SLC30A8: variants seen among roughly 807,000 people sequenced by gnomAD.
SLC30A8 encodes the protein solute carrier family 30 member 8.
A neutral mutation model predicts 36.9 loss-of-function variants in SLC30A8; 27 were observed. That is an observed-to-expected ratio of 0.73 (90% CI 0.54 to 1.01). The LOEUF (loss-of-function observed/expected upper bound fraction) is 1.01, where lower values mean the gene tolerates loss of function less well. Ranked by LOEUF, SLC30A8 falls within the 50% of genes least tolerant of loss-of-function variation. SLC30A8 has a pLI of 0.00. For synonymous variants in SLC30A8, 164 were observed against 172.4 expected, an observed-to-expected ratio of 0.95 and a Z score of 0.38; for missense variants, 439 against 452.0, an observed-to-expected ratio of 0.97 and a Z score of 0.26.
At chr8:117,118,762 T>C (rs1820560394) in intron 2 of SLC30A8, among the ~76,000 whole-genome samples, 1 of 151,968 alleles carries the variant, frequency 6.6e-6, no homozygotes. Flanking sequence ...TTGAAAGATA[T>C]CATTATTATC....
rs1326082811 is a variant in SLC30A8, at chr8:117,173,997, G to A, written c.*1316G>A. 2 of 152,100 alleles carry A rather than the reference G, an allele frequency of 1.3e-5. No individual in the cohort carries two copies. The highest frequency in any genetic ancestry group is 4.8e-5 in the African/African-American group (2 of 41,436). 9.4% of individuals were successfully genotyped at this position (152,100 alleles called of 1,614,324 possible). The stretch of plus-strand genomic sequence containing the variant: ...CTCTCCAGGAAGACGAAGAAGAGAA[G>A]GACATTCTAGGCAAAAAGAAGACTA... On this transcript the variant is annotated 3_prime_UTR_variant, in exon 8 of 8. Transcript: ENST00000456015.
rs1818562982 is a variant in SLC30A8, at chr8:117,078,539, G to A, written c.-226+39281G>A. 4.0e-5 allele frequency among the ~76,000 whole-genome samples: 6 copies of A among 151,890 alleles called. No homozygotes were observed. The South Asian group carries it at 1.2e-3, about 32-fold the overall frequency. On this transcript the variant is annotated intron_variant, in intron 2 of 10. Coordinates refer to the SLC30A8 transcript ENST00000427715. ...GCTACTTTCTAGATTTTAAAACCAT[G>A]ACATTCCTCTCTTACACTCAGTTCC...
intron 1 of SLC30A8, among the ~76,000 whole-genome samples, chr8:117,143,828 CA>C (rs898434306): frequency 1.3e-5 from 2 of 152,202 alleles, no homozygotes; most frequent in African/African-American, 4.8e-5. Context: ...GAACCCAAGA[CA>C]GGGAAGCAGT....
intron 2 of SLC30A8, among the ~76,000 whole-genome samples, chr8:117,070,290 C>T (rs574286904): frequency 8.5e-5 from 13 of 152,230 alleles, no homozygotes; most frequent in African/African-American, 2.9e-4. Context: ...CTGCATTCAG[C>T]GGGAGGGTGG....
At chr8:117,002,773 T>G (rs1387657178) in intron 1 of SLC30A8, among the ~76,000 whole-genome samples, 1 of 152,040 alleles carries the variant, frequency 6.6e-6, no homozygotes, top group East Asian at 1.9e-4. Context: ...CCCAGCTAAT[T>G]TTTGGATTTT....
At chr8:116,994,356 T>C (rs947886382) in intron 1 of SLC30A8, among the ~76,000 whole-genome samples, 1 of 152,108 alleles carries the variant, frequency 6.6e-6, no homozygotes. Context: ...AATGCACAAG[T>C]GTTCATAGTA....
chr8:117,114,443 T>C (rs996001137), intron 2 of SLC30A8, among the ~76,000 whole-genome samples: 1 of 151,938 alleles, frequency 6.6e-6, no homozygotes. Flanking sequence ...GAGCAGAAAA[T>C]CAATCTGGAG....
rs776434484 is a variant in SLC30A8, at chr8:117,171,040, C to CAAAG, written c.838_841dup (p.Ser281LysfsTer57). On this transcript the variant is annotated frameshift_variant, in exon 7 of 8. Transcript: ENST00000456015. LOFTEE classifies it high-confidence loss of function. ...ATCTCTTCCCTTTTGTCAGGTGTGC[C>CAAAG]AAAGAGCCTGAATTACAGTGGTGTG... 2 of 1,593,636 alleles carry CAAAG rather than the reference C, an allele frequency of 1.3e-6. No homozygotes were observed. Among genetic ancestry groups the CAAAG allele is most frequent in the African/African-American group, 1.3e-5 (1 of 74,204 alleles).
chr8:116,992,601 G>T (rs1280593987), intron 1 of SLC30A8, among the ~76,000 whole-genome samples: 4 of 152,124 alleles, frequency 2.6e-5, no homozygotes, highest in Non-Finnish European at 5.9e-5. Flanking sequence ...GCAGTCCCAA[G>T]TAGGTCCAGC....
chr8:117,018,666 C>CG (rs1176268089), intron 1 of SLC30A8, among the ~76,000 whole-genome samples: 9 of 115,856 alleles, frequency 7.8e-5, no homozygotes, highest in African/African-American at 3.0e-4. Flanking sequence ...CTGACTAGCC[C>CG]CCCCCCCCCT....
intron 2 of SLC30A8, among the ~76,000 whole-genome samples, chr8:117,049,790 G>A (rs1563568558): frequency 6.6e-6 from 1 of 152,276 alleles, no homozygotes; most frequent in East Asian, 1.9e-4. Flanking sequence ...CTGATATATA[G>A]CTGCTCACGA....
At position 117,174,818 on chromosome 8, in the gene SLC30A8, A is replaced by T. The variant is rs1425939568; in HGVS notation, c.*2137A>T. Reference sequence around the variant, plus strand: ...CCAGGGTATTTCTGTTGTTTCCCTGAAATTCTGCTTTTTTAGTCAGCTAGA... The same window carrying T: ...CCAGGGTATTTCTGTTGTTTCCCTGTAATTCTGCTTTTTTAGTCAGCTAGA... On this transcript the variant is annotated 3_prime_UTR_variant, in exon 8 of 8. Coordinates refer to ENST00000456015, the MANE Select transcript of SLC30A8 (RefSeq NM_173851.3). The T allele has an allele frequency of 1.3e-5, 2 of 152,544 alleles. No homozygotes were observed. The highest frequency in any genetic ancestry group is 4.8e-5 in the African/African-American group (2 of 41,438). The allele number at this position is 152,544 out of a possible 1,614,324, so 9.4% of individuals were successfully genotyped here.
At chr8:116,967,757 G>C (rs1209530656) in intron 1 of SLC30A8, among the ~76,000 whole-genome samples, 1 of 152,114 alleles carries the variant, frequency 6.6e-6, no homozygotes, top group African/African-American at 2.4e-5. Flanking sequence ...TGATTTTTTA[G>C]ATTAATACAT....
At chr8:117,155,072 T>C (rs1292683492) in intron 3 of SLC30A8, among the ~76,000 whole-genome samples, 2 of 152,160 alleles carry the variant, frequency 1.3e-5, no homozygotes, top group African/African-American at 4.8e-5. Context: ...AACACATTCA[T>C]ACGCAACACA....
At chr8:117,020,940 G>A (rs1816678087) in intron 1 of SLC30A8, among the ~76,000 whole-genome samples, 1 of 152,144 alleles carries the variant, frequency 6.6e-6, no homozygotes, top group Admixed American at 6.5e-5. Flanking sequence ...GTATTCGTCG[G>A]AATGGAAAAG....
At chr8:116,965,026 T>C (rs887377432) in intron 1 of SLC30A8, among the ~76,000 whole-genome samples, 9 of 152,186 alleles carry the variant, frequency 5.9e-5, no homozygotes, top group African/African-American at 2.2e-4. Flanking sequence ...AACCTCTGCC[T>C]CCCAGGTTCA....
intron 2 of SLC30A8, among the ~76,000 whole-genome samples, chr8:117,041,312 T>C (rs1817380120): frequency 6.6e-6 from 1 of 152,204 alleles, no homozygotes; most frequent in African/African-American, 2.4e-5. Flanking sequence ...AAGGAATTCC[T>C]AAACACTTTC....
At chr8:117,057,517 A>G (rs1188387122) in intron 2 of SLC30A8, among the ~76,000 whole-genome samples, 1 of 152,054 alleles carries the variant, frequency 6.6e-6, no homozygotes, top group African/African-American at 2.4e-5. Context: ...CCTTTGATCA[A>G]CATTTCCTCC....
At chr8:117,108,842 G>A (rs1820107480) in intron 2 of SLC30A8, among the ~76,000 whole-genome samples, 1 of 152,174 alleles carries the variant, frequency 6.6e-6, no homozygotes, top group South Asian at 2.1e-4. Context: ...TTGTTATCGA[G>A]GTCCTAACTG....
Sources: gnomAD v4.1 joint callset for allele counts (sites outside exome capture counted in the v4.1 genomes callset) on GRCh38, gnomAD v4.1.1 for gene constraint, MANE v1.5 for transcripts, NCBI Gene and HGNC (gene_info 2026-07-23, HGNC 2026-07-21) for gene names.